Variants in STAMBPL1 observed in about 807,000 individuals in gnomAD.
The protein encoded by STAMBPL1 is AMSH-like protease.
STAMBPL1 carries 44 observed loss-of-function variants against 52.9 expected under a neutral mutation model. That is an observed-to-expected ratio of 0.83 (90% CI 0.65 to 1.07). STAMBPL1 has a LOEUF of 1.07. Ranked by LOEUF, STAMBPL1 falls within the 50% of genes least tolerant of loss-of-function variation. The pLI, the probability that STAMBPL1 is intolerant of heterozygous loss-of-function variation, is 0.00. For synonymous variants in STAMBPL1, 164 were observed against 177.3 expected, an observed-to-expected ratio of 0.92 and a Z score of 0.60; for missense variants, 511 against 520.8, an observed-to-expected ratio of 0.98 and a Z score of 0.18.
chr10:88,888,100 G>A (rs1844583632), intron 1 of STAMBPL1, among the ~76,000 whole-genome samples: 1 of 152,094 alleles, frequency 6.6e-6, no homozygotes, highest in African/African-American at 2.4e-5. Flanking sequence ...GGAAACCACA[G>A]GGTTGGTGGG....
chr10:88,905,716 AT>A, intron 3 of STAMBPL1, 56 bp downstream of exon 3: 1 of 1,393,764 alleles, frequency 7.2e-7, no homozygotes, highest in Non-Finnish European at 1.0e-6. Flanking sequence ...TTACATAGTT[AT>A]TTTGATGTGG....
intron 1 of STAMBPL1, among the ~76,000 whole-genome samples, chr10:88,889,273 G>C (rs1232411726): frequency 6.6e-6 from 1 of 152,140 alleles, no homozygotes; most frequent in Non-Finnish European, 1.5e-5. Flanking sequence ...GAATTGCTTA[G>C]TCAACAGGAA....
At chr10:88,899,666 C>T (rs182610981) in intron 1 of STAMBPL1, among the ~76,000 whole-genome samples, 5 of 152,052 alleles carry the variant, frequency 3.3e-5, no homozygotes, top group Admixed American at 6.5e-5. Context: ...TGCACTACCA[C>T]GCCTGGCTAA....
chr10:88,897,345 G>T lies in STAMBPL1; in HGVS notation c.-53-4311G>T, dbSNP rs578073351. Among the ~76,000 whole-genome samples the T allele has an allele frequency of 2.0e-5, 3 of 152,116 alleles. No individual in the cohort carries two copies. In the South Asian group the frequency reaches 6.2e-4, roughly 32 times the overall value. On this transcript the variant is annotated intron_variant, in intron 1 of 10. Coordinates refer to ENST00000371926, the MANE Select transcript of STAMBPL1 (RefSeq NM_020799.4). ...ATGATTCCCCACATTCTTGTGAGTC[G>T]GATTAACAGAAAGCAGACACTCCCC... is the stretch of plus-strand genomic sequence containing the variant.
chr10:88,922,427 G>A lies in STAMBPL1; in HGVS notation c.1245G>A (p.Arg415=), dbSNP rs1845537426. 1 of 1,613,158 alleles carries A rather than the reference G, an allele frequency of 6.2e-7. No individual in the cohort carries two copies. The highest frequency in any genetic ancestry group is 1.3e-5 in the African/African-American group (1 of 74,842). ...KGFHPHTKEP[R]LFSICKHVLV... ...TTCATCCACACACCAAGGAGCCCAG[G>A]CTGTTCAGTGTGAGTACATCATATT... The change falls in exon 10 of 11, where the codon AGG becomes AGA. Residue 415 remains arginine (R), a synonymous_variant. Coordinates refer to ENST00000371926, the MANE Select transcript of STAMBPL1 (RefSeq NM_020799.4).
chr10:88,887,429 C>G (rs1055472923), intron 1 of STAMBPL1, among the ~76,000 whole-genome samples: 1 of 152,104 alleles, frequency 6.6e-6, no homozygotes, highest in Non-Finnish European at 1.5e-5. Context: ...ACTTAGGTAA[C>G]TAGGGCAGTG....
At chr10:88,881,383 T>A (rs1197586375) in intron 1 of STAMBPL1, among the ~76,000 whole-genome samples, 1 of 151,756 alleles carries the variant, frequency 6.6e-6, no homozygotes, top group South Asian at 2.1e-4. Flanking sequence ...TCTAGAGGTT[T>A]GAAAAAAAAA....
intron 8 of STAMBPL1, among the ~76,000 whole-genome samples, chr10:88,917,115 A>G (rs1026721923): frequency 1.3e-5 from 2 of 152,190 alleles, no homozygotes; most frequent in African/African-American, 2.4e-5. Flanking sequence ...GTTAAAAGAC[A>G]TAGAAAGAAA....
intron 1 of STAMBPL1, among the ~76,000 whole-genome samples, chr10:88,900,786 A>C (rs911449497): frequency 2.0e-5 from 3 of 152,222 alleles, no homozygotes; most frequent in Admixed American, 6.5e-5. Flanking sequence ...TCAGGAGTCT[A>C]GGCACAGCTT....
intron 9 of STAMBPL1, 148 bp from the exon 10 acceptor site, chr10:88,922,189 G>T: frequency 2.6e-6 from 2 of 767,228 alleles, no homozygotes; most frequent in South Asian, 3.7e-5. Flanking sequence ...CCAGTCATTG[G>T]TTTAAAAAAA....
Position 88,908,724 on chromosome 10 carries a change from A to C in STAMBPL1, c.271A>C (p.Asn91His). The C allele has an allele frequency of 6.2e-7, 1 of 1,610,132 alleles. No individual in the cohort carries two copies. The highest frequency in any genetic ancestry group is 8.5e-7 in the Non-Finnish European group (1 of 1,178,678). The change falls in exon 4 of 11, where the codon AAC becomes CAC. Residue 91 changes from asparagine (N) to histidine (H), a missense_variant. Asn to His is a moderately conservative substitution (Grantham distance 68). This residue lies in a region of STAMBPL1 where 358 missense variants were observed against 343.5 expected (regional missense o/e 1.04). Transcript: ENST00000371926. ...FITLFVEKLPNHRDYQQCAVP... is the reference protein window; with the variant it reads ...FITLFVEKLPHHRDYQQCAVP... ...TAGCTTATTTGTAGAAAAGCTTCCT[A>C]ACCATCGAGATTACCAGCAATGTGC...
chr10:88,910,853 C>T, intron 4 of STAMBPL1, 63 bp from the exon 5 acceptor site: 2 of 1,209,974 alleles, frequency 1.7e-6, no homozygotes, highest in East Asian at 2.7e-5. Flanking sequence ...TCTTTCTCAC[C>T]TGATGATCTG....
At chr10:88,919,862 A>G (rs1369200643) in intron 8 of STAMBPL1, among the ~76,000 whole-genome samples, 1 of 149,968 alleles carries the variant, frequency 6.7e-6, no homozygotes, top group East Asian at 2.0e-4. Context: ...TCAAGACAGG[A>G]TCTTGCTCTG....
At chr10:88,889,160 T>A (rs1047120239) in intron 1 of STAMBPL1, among the ~76,000 whole-genome samples, 3 of 152,210 alleles carry the variant, frequency 2.0e-5, no homozygotes, top group Admixed American at 2.0e-4. Context: ...GATTCTTTAT[T>A]TTAAGTATTC....
intron 1 of STAMBPL1, among the ~76,000 whole-genome samples, chr10:88,889,923 A>G (rs1221140868): frequency 6.6e-6 from 1 of 152,120 alleles, no homozygotes; most frequent in Non-Finnish European, 1.5e-5. Flanking sequence ...GTCTTTCATG[A>G]TCTTGACACT....
At position 88,923,198 on chromosome 10, in the gene STAMBPL1, A is replaced by C. The variant is rs970770423; in HGVS notation, c.1285A>C (p.Lys429Gln). Reference sequence around the variant, plus strand: ...CAAACATGTGTTGGTAAAAGACATAAAAATAATTGTGTTGGATCTGAGGTG... The same window carrying C: ...CAAACATGTGTTGGTAAAAGACATACAAATAATTGTGTTGGATCTGAGGTG... ...ICKHVLVKDI[K>Q]IIVLDLR The change falls in exon 11 of 11, where the codon AAA (lysine) becomes CAA (glutamine). Residue 429 changes from lysine (K) to glutamine (Q), a missense_variant. By Grantham distance (53) the Lys-to-Gln change is moderately conservative. Transcript: ENST00000371926. The C allele has an allele frequency of 3.7e-6, 6 of 1,606,348 alleles. No homozygotes were observed. The highest frequency in any genetic ancestry group is 3.5e-5 in the Admixed American group (2 of 57,500).
At chr10:88,921,229 T>C (rs2133219764) in intron 8 of STAMBPL1, 54 bp from the exon 9 acceptor site, 7 of 1,372,708 alleles carry the variant, frequency 5.1e-6, no homozygotes, top group East Asian at 4.6e-5. Flanking sequence ...AAATAGCCTA[T>C]GGCCTTGGCT....
intron 1 of STAMBPL1, among the ~76,000 whole-genome samples, chr10:88,897,946 T>A (rs1468351564): frequency 6.6e-6 from 1 of 152,226 alleles, no homozygotes; most frequent in African/African-American, 2.4e-5. Flanking sequence ...ATTTTCTAAT[T>A]GTTTTAGTAA....
chr10:88,905,435 C>T lies in STAMBPL1; in HGVS notation c.31-8C>T. 2 of 1,612,448 alleles carry T rather than the reference C, an allele frequency of 1.2e-6. No homozygotes were observed. Among genetic ancestry groups the T allele is most frequent in the East Asian group, 2.2e-5 (1 of 44,868 alleles). The stretch of plus-strand genomic sequence containing the variant: ...CAGTTAATCAGAGATTTAAATTTTG[C>T]TTTGCAGAAAAAGTTAGCTGCTATG... On this transcript the variant is annotated splice_region_variant and splice_polypyrimidine_tract_variant and intron_variant, in intron 2 of 10. Coordinates refer to ENST00000371926, the MANE Select transcript of STAMBPL1 (RefSeq NM_020799.4).
Sources: gnomAD v4.1 joint callset for allele counts (sites outside exome capture counted in the v4.1 genomes callset) on GRCh38, gnomAD v4.1.1 for gene constraint, gnomAD v4.1.1 regional missense constraint, MANE v1.5 for transcripts, NCBI Gene and HGNC (gene_info 2026-07-23, HGNC 2026-07-21) for gene names.